The following MRPL42 variants were observed in gnomAD, a reference collection of about 807,000 sequenced individuals.
MRPL42 encodes the protein mitochondrial ribosomal protein L42, also known as large ribosomal subunit protein mL42.
Under a neutral mutation model 17.9 loss-of-function variants are expected in MRPL42, and 17 were observed. The observed-to-expected ratio is 0.95, with a 90% CI of 0.65 to 1.42. The LOEUF (loss-of-function observed/expected upper bound fraction) is 1.42, where lower values mean the gene tolerates loss of function less well. Among genes scored for constraint, MRPL42 ranks in the 40% most tolerant of loss-of-function variants. The probability of loss-of-function intolerance (pLI) is 0.00; values close to 1 mark genes in which losing one functional copy is unlikely to be tolerated. For synonymous variants in MRPL42, 59 were observed against 54.4 expected, an observed-to-expected ratio of 1.08 and a Z score of -0.37; for missense variants, 177 against 175.2, an observed-to-expected ratio of 1.01 and a Z score of -0.06.
chr12:93,479,695 C>G (rs1383458698), intron 4 of MRPL42, among the ~76,000 whole-genome samples: 4 of 151,862 alleles, frequency 2.6e-5, no homozygotes, highest in African/African-American at 7.3e-5. Flanking sequence ...ACAATTATGG[C>G]ATCAGTTTTC....
At chr12:93,473,894 T>C (rs1880029747) in intron 2 of MRPL42, among the ~76,000 whole-genome samples, 1 of 152,162 alleles carries the variant, frequency 6.6e-6, no homozygotes, top group Non-Finnish European at 1.5e-5. Flanking sequence ...ACATCAGTTA[T>C]GCAGAAACAT....
At chr12:93,494,453 A>G (rs560676407) in intron 5 of MRPL42, among the ~76,000 whole-genome samples, 81 of 152,350 alleles carry the variant, frequency 5.3e-4, no homozygotes, top group African/African-American at 1.8e-3. Flanking sequence ...TATGAGACAG[A>G]GAGAGGAGTC....
In MRPL42 at chr12:93,514,873, A is replaced by G. The variant is rs1433990875; in HGVS notation, c.*13652A>G. The G allele has an allele frequency of 1.3e-5, 2 of 152,052 alleles. No individual in the cohort carries two copies. The highest frequency in any genetic ancestry group is 2.9e-5 in the Non-Finnish European group (2 of 68,014). 9.4% of individuals were successfully genotyped at this position (152,052 alleles called of 1,614,324 possible). On this transcript the variant is annotated 3_prime_UTR_variant, in exon 6 of 6. Coordinates refer to ENST00000549982, the MANE Select transcript of MRPL42 (RefSeq NM_014050.4). ...CAACATATTTTTTTTTACTGTGGAC[A>G]GTATACTTTTACGAATGGTGCCAAT...
At chr12:93,485,297 G>A (rs1163953933) in intron 4 of MRPL42, among the ~76,000 whole-genome samples, 2 of 150,914 alleles carry the variant, frequency 1.3e-5, no homozygotes, top group Non-Finnish European at 2.9e-5. Flanking sequence ...TGAGTAGCCG[G>A]GACTGCAGGT....
intron 2 of MRPL42, among the ~76,000 whole-genome samples, chr12:93,474,016 A>G (rs1477901226): frequency 3.3e-5 from 5 of 152,210 alleles, no homozygotes; most frequent in Admixed American, 1.3e-4. Context: ...TGTAGGTGAA[A>G]CAGACATCTA....
intron 5 of MRPL42, among the ~76,000 whole-genome samples, chr12:93,492,605 T>C (rs1441556209): frequency 6.6e-6 from 1 of 152,196 alleles, no homozygotes; most frequent in African/African-American, 2.4e-5. Context: ...ATTCAAAACT[T>C]TTATCAGACT....
chr12:93,495,328 A>G (rs948054067), intron 5 of MRPL42, among the ~76,000 whole-genome samples: 2 of 152,210 alleles, frequency 1.3e-5, no homozygotes, highest in Non-Finnish European at 2.9e-5. Context: ...CAACTAAGGA[A>G]GACTAAAGAC....
chr12:93,470,403 G>C, intron 2 of MRPL42: 1 of 1,133,940 alleles, frequency 8.8e-7, no homozygotes, highest in Non-Finnish European at 1.1e-6. Context: ...TTCTAAAGTA[G>C]ACATGTATAG....
At chr12:93,477,943 A>G (rs1880262034) in intron 3 of MRPL42, among the ~76,000 whole-genome samples, 1 of 151,962 alleles carries the variant, frequency 6.6e-6, no homozygotes, top group Admixed American at 6.6e-5. Flanking sequence ...AATTACAGGC[A>G]TGAGGCACTG....
rs1336687407 is a variant in MRPL42, at chr12:93,479,436, C to G, written c.183C>G (p.Tyr61Ter). ...CTGATGGCAGGACAATAGTATGCTA[C>G]CACCCTTCTGTGGACATTCCATATG... is the stretch of plus-strand genomic sequence containing the variant. ...LTSDGRTIVCYHPSVDIPYEH... is the reference protein window; with the variant it reads ...LTSDGRTIVC The change falls in exon 4 of 6, where the codon TAC becomes TAG. Residue 61 changes from tyrosine (Y) to a stop codon, truncating the protein, a stop_gained. Coordinates refer to ENST00000549982, the MANE Select transcript of MRPL42 (RefSeq NM_014050.4). LOFTEE classifies it high-confidence loss of function. 1.2e-6 allele frequency: 2 copies of G among 1,611,164 alleles called. No homozygotes were observed. The highest frequency in any genetic ancestry group is 2.2e-5 in the South Asian group (2 of 90,852).
intron 4 of MRPL42, among the ~76,000 whole-genome samples, chr12:93,484,367 TTTATTA>T (rs1880605162): frequency 6.6e-6 from 1 of 151,932 alleles, no homozygotes; most frequent in Non-Finnish European, 1.5e-5. Context: ...CCTGCCGTTA[TTTATTA>T]TTATTATCAA....
rs1487438741 is a variant in MRPL42, at chr12:93,469,249, C to G, written c.-37C>G. On this transcript the variant is annotated 5_prime_UTR_variant, in exon 2 of 6. The change creates a new upstream start codon in the 5' untranslated region. Transcript: ENST00000549982. ...TAAAAGCAGTTTCTCTTCAGAACAT[C>G]TTTTTTCATACCACTTGATAAGCAT... 7 of 1,548,920 alleles carry G rather than the reference C, an allele frequency of 4.5e-6. No individual in the cohort carries two copies. The South Asian group carries it at 8.3e-5, about 18-fold the overall frequency.
In MRPL42 at chr12:93,488,576, G is replaced by A. The variant is rs1465799470; in HGVS notation, c.383+916G>A. The A allele has an allele frequency of 1.6e-5, 5 of 307,074 alleles. 1 individual carries two copies. The highest frequency in any genetic ancestry group is 1.0e-4 in the Admixed American group (2 of 19,924). The allele number at this position is 307,074 out of a possible 1,614,324, so 19.0% of individuals were successfully genotyped here. A position where few individuals can be genotyped will look rare whatever the true frequency, so the allele number is the denominator to read the frequency against. ...TCATTTTCCTGTTAAGTAATTGATT[G>A]TGTCTTCAGCCCTTTATCAATTTCT... On this transcript the variant is annotated intron_variant, in intron 5 of 5. Transcript: ENST00000549982.
At position 93,501,305 on chromosome 12, in the gene MRPL42, T is replaced by C. The variant is rs1373087542; in HGVS notation, c.*84T>C. Reference sequence around the variant, plus strand: ...GCAGTCTGGTGTATTCAGTAATATATAGTAAAGTAATAATGATAAAATATC... The same window carrying C: ...GCAGTCTGGTGTATTCAGTAATATACAGTAAAGTAATAATGATAAAATATC... On this transcript the variant is annotated 3_prime_UTR_variant, in exon 6 of 6. Coordinates refer to ENST00000549982, the MANE Select transcript of MRPL42 (RefSeq NM_014050.4). 22 of 886,378 alleles carry C rather than the reference T, an allele frequency of 2.5e-5. No individual in the cohort carries two copies. Among genetic ancestry groups the C allele is most frequent in the Non-Finnish European group, 3.5e-5 (21 of 594,116 alleles). The allele number at this position is 886,378 out of a possible 1,614,324, so 54.9% of individuals were successfully genotyped here.
At position 93,476,940 on chromosome 12, in the gene MRPL42, T is replaced by C. The variant is rs1880209363; in HGVS notation, c.71-14T>C. 6.2e-7 allele frequency: 1 copy of C among 1,600,040 alleles called. No homozygotes were observed. The highest frequency in any genetic ancestry group is 8.5e-7 in the Non-Finnish European group (1 of 1,170,888). On this transcript the variant is annotated splice_polypyrimidine_tract_variant and intron_variant, in intron 2 of 5. Coordinates refer to ENST00000549982, the MANE Select transcript of MRPL42 (RefSeq NM_014050.4). ...AATTAACCAAATCTGTTTTACTGTT[T>C]GGGGTTTTTGCAGATGGAGCTTTAT...
intron 4 of MRPL42, among the ~76,000 whole-genome samples, chr12:93,486,861 G>C (rs918396493): frequency 1.3e-5 from 2 of 149,618 alleles, no homozygotes; most frequent in African/African-American, 2.5e-5. Flanking sequence ...ACACGGTCTC[G>C]CTGTGTTGCC....
chr12:93,510,760 CATT>C lies in MRPL42; in HGVS notation c.*9543_*9545del, dbSNP rs1392713865. Reference sequence around the variant, plus strand: ...ATGTGATATGGAACATCTATTTACTCATTATTTTTTCTTCTTATGATTGAAGTT... The same window carrying C: ...ATGTGATATGGAACATCTATTTACTCATTTTTTCTTCTTATGATTGAAGTT... On this transcript the variant is annotated 3_prime_UTR_variant, in exon 6 of 6. Transcript: ENST00000549982. 1 of 152,164 alleles carries C rather than the reference CATT, an allele frequency of 6.6e-6. No homozygotes were observed. The highest frequency in any genetic ancestry group is 1.5e-5 in the Non-Finnish European group (1 of 68,034). The allele number at this position is 152,164 out of a possible 1,614,324, so 9.4% of individuals were successfully genotyped here.
In MRPL42 at chr12:93,469,209, C is replaced by A; in HGVS notation, c.-77C>A. 8.5e-7 allele frequency: 1 copy of A among 1,175,242 alleles called. No homozygotes were observed. 72.8% of individuals were successfully genotyped at this position (1,175,242 alleles called of 1,614,324 possible). A position where few individuals can be genotyped will look rare whatever the true frequency, so the allele number is the denominator to read the frequency against. On this transcript the variant is annotated 5_prime_UTR_variant, in exon 2 of 6. Transcript: ENST00000549982. ...TTCAGCAGGAGTAGAAATTGGTATGCTTAGAAGCAGATTCTAAAAGCAGTT... is the reference window on the plus strand; with the variant it reads ...TTCAGCAGGAGTAGAAATTGGTATGATTAGAAGCAGATTCTAAAAGCAGTT...
chr12:93,479,328 A>G (rs1170683133), intron 3 of MRPL42, 60 bp from the exon 4 acceptor site: 2 of 1,263,816 alleles, frequency 1.6e-6, no homozygotes, highest in Non-Finnish European at 1.1e-6. Context: ...AAAAAAAAAA[A>G]GGTAATCATT....
Sources: gnomAD v4.1 joint callset for allele counts (sites outside exome capture counted in the v4.1 genomes callset) on GRCh38, gnomAD v4.1.1 for gene constraint, MANE v1.5 for transcripts, NCBI Gene and HGNC (gene_info 2026-07-23, HGNC 2026-07-21) for gene names.